Variants in SGIP1 observed in about 807,000 individuals in gnomAD.
SGIP1 encodes the protein SH3GL interacting endocytic adaptor 1.
A neutral mutation model predicts 107.5 loss-of-function variants in SGIP1; 38 were observed. The observed-to-expected ratio is 0.35, with a 90% CI of 0.27 to 0.46. The LOEUF is 0.46. Among genes scored for constraint, SGIP1 ranks in the 20% least tolerant of loss-of-function variants. The pLI is 1.00. For synonymous variants in SGIP1, 365 were observed against 366.1 expected, an observed-to-expected ratio of 1.00 and a Z score of 0.03; for missense variants, 929 against 1,019.5, an observed-to-expected ratio of 0.91 and a Z score of 1.21.
At chr1:66,604,698 T>C (rs6696927) in intron 1 of SGIP1, among the ~76,000 whole-genome samples, 98,972 of 151,990 alleles carry the variant, frequency 0.65, 33,152 homozygotes, top group East Asian at 1. Context: ...ATCACCACTT[T>C]GTAAAAATGT....
intron 1 of SGIP1, among the ~76,000 whole-genome samples, chr1:66,549,714 T>A (rs1363658255): frequency 6.6e-6 from 1 of 152,174 alleles, no homozygotes; most frequent in Non-Finnish European, 1.5e-5. Context: ...AATGTTTTTT[T>A]ACAATACTCT....
At chr1:66,610,696 T>G (rs2067803574) in intron 1 of SGIP1, among the ~76,000 whole-genome samples, 1 of 138,440 alleles carries the variant, frequency 7.2e-6, no homozygotes. Flanking sequence ...AAAAAGGAAT[T>G]CAGTAAGTCA....
At chr1:66,622,956 C>T (rs965884259) in intron 1 of SGIP1, among the ~76,000 whole-genome samples, 2 of 152,142 alleles carry the variant, frequency 1.3e-5, no homozygotes, top group African/African-American at 2.4e-5. Flanking sequence ...TAAAACTTAT[C>T]GGATTATTGA....
chr1:66,649,499 G>A (rs2078305143), intron 7 of SGIP1, among the ~76,000 whole-genome samples: 5 of 152,136 alleles, frequency 3.3e-5, no homozygotes, highest in Non-Finnish European at 7.4e-5. Flanking sequence ...CTTTCTGCTA[G>A]TGCAGTGTAA....
At chr1:66,680,856 A>T (rs1456210561) in intron 14 of SGIP1, among the ~76,000 whole-genome samples, 1 of 152,184 alleles carries the variant, frequency 6.6e-6, no homozygotes, top group East Asian at 1.9e-4. Context: ...ACTTCTGTTC[A>T]TGCCTTCCAG....
At chr1:66,657,623 G>T (rs1213677348) in intron 7 of SGIP1, among the ~76,000 whole-genome samples, 1 of 152,016 alleles carries the variant, frequency 6.6e-6, no homozygotes, top group Non-Finnish European at 1.5e-5. Flanking sequence ...AGAGGATAAG[G>T]GTCTATGAGT....
Position 66,719,411 on chromosome 1 carries a change from C to T in SGIP1, c.1742+6C>T, listed in dbSNP as rs771489546. ...AAAGGAGCAGACCCAAGCAAGTAAG[C>T]CTGATACTTGGTCCATTGTACTTTC... On this transcript the variant is annotated splice_donor_region_variant and intron_variant, in intron 19 of 24. Transcript: ENST00000371037. 1 of 1,599,118 alleles carries T rather than the reference C, an allele frequency of 6.3e-7. No individual in the cohort carries two copies. The highest frequency in any genetic ancestry group is 8.6e-7 in the Non-Finnish European group (1 of 1,167,116).
rs71575496 is a variant in SGIP1 at position 66,660,145 on chromosome 1, GAGAAAGAAAGAAAGAAAGAA to G, written c.460-316_460-297del. On this transcript the variant is annotated intron_variant, in intron 7 of 24. Transcript: ENST00000371037. ...GAAAGAAAGAAAGAAAGAAAGAAGAGAGAAAGAAAGAAAGAAAGAAAGAAAGAAAGAAAGAAAGAAAGAAA... is the reference window on the plus strand; with the variant it reads ...GAAAGAAAGAAAGAAAGAAAGAAGAGAGAAAGAAAGAAAGAAAGAAAGAAA... The G allele has an allele frequency of 7.1e-3, 300 of 42,488 alleles. 8 individuals are homozygous for G. The highest frequency in any genetic ancestry group is 9.1e-3 in the Admixed American group (25 of 2,756). 2.6% of individuals were successfully genotyped at this position (42,488 alleles called of 1,614,324 possible).
At position 66,673,353 on chromosome 1, in the gene SGIP1, A is replaced by G. The variant is rs760381950; in HGVS notation, c.633A>G (p.Glu211=). 2 of 1,601,820 alleles carry G rather than the reference A, an allele frequency of 1.2e-6. No homozygotes were observed. Among genetic ancestry groups the G allele is most frequent in the South Asian group, 1.1e-5 (1 of 87,670 alleles). Residue 211 remains glutamate (E), a synonymous_variant, in exon 12 of 25, where the codon GAA becomes GAG. Coordinates refer to ENST00000371037, the MANE Select transcript of SGIP1 (RefSeq NM_032291.4). ...CACCACTAGAATCAGCTTTTGATGA[A>G]CAGAAGACAGAAGGTAGGAAAAGAA... ...FGPPLESAFD[E]QKTEVLLDQP...
chr1:66,584,816 G>C (rs542333893), intron 1 of SGIP1, among the ~76,000 whole-genome samples: 1 of 152,304 alleles, frequency 6.6e-6, no homozygotes, highest in African/African-American at 2.4e-5. Flanking sequence ...CAGCAAATAT[G>C]ATAGATGAAC....
chr1:66,604,670 A>T (rs2066486319), intron 1 of SGIP1, among the ~76,000 whole-genome samples: 3 of 152,216 alleles, frequency 2.0e-5, no homozygotes, highest in Admixed American at 2.0e-4. Context: ...GATGTAATGA[A>T]TATCCAATTC....
intron 1 of SGIP1, among the ~76,000 whole-genome samples, chr1:66,610,707 T>C (rs2149143806): frequency 1.1e-5 from 1 of 92,966 alleles, no homozygotes; most frequent in South Asian, 8.2e-4. Context: ...CAGTAAGTCA[T>C]AGTATAGATT....
At chr1:66,678,919 T>C (rs1238407610) in intron 13 of SGIP1, among the ~76,000 whole-genome samples, 1 of 152,114 alleles carries the variant, frequency 6.6e-6, no homozygotes, top group Non-Finnish European at 1.5e-5. Context: ...ATCTACCAGA[T>C]AGGACCAGTG....
chr1:66,591,473 A>T (rs909284884), intron 1 of SGIP1, among the ~76,000 whole-genome samples: 1 of 152,178 alleles, frequency 6.6e-6, no homozygotes, highest in Non-Finnish European at 1.5e-5. Context: ...TTAAGTTCAC[A>T]GCAAAATTGA....
chr1:66,687,206 T>G (rs969683761), intron 15 of SGIP1, among the ~76,000 whole-genome samples: 2 of 152,076 alleles, frequency 1.3e-5, no homozygotes, highest in African/African-American at 4.8e-5. Flanking sequence ...AAAGACTACT[T>G]CTTGGAAACA....
chr1:66,610,324 T>A (rs1446328552), intron 1 of SGIP1, among the ~76,000 whole-genome samples: 3 of 152,166 alleles, frequency 2.0e-5, no homozygotes, highest in African/African-American at 7.2e-5. Flanking sequence ...TTATTACACA[T>A]ATATACCTCT....
At chr1:66,651,381 A>T (rs1277230849) in intron 7 of SGIP1, among the ~76,000 whole-genome samples, 1 of 152,216 alleles carries the variant, frequency 6.6e-6, no homozygotes, top group Non-Finnish European at 1.5e-5. Context: ...GAAGCATCAC[A>T]GCTAGTAACT....
Position 66,669,476 on chromosome 1 carries a change from G to A in SGIP1, c.484-1519G>A, listed in dbSNP as rs1473741668. Reference sequence around the variant, plus strand: ...TTGTGATTGACTGCTTGGAACTAAAGCCCCTCTATCTCTTCCTTCAGATCT... The same window carrying A: ...TTGTGATTGACTGCTTGGAACTAAAACCCCTCTATCTCTTCCTTCAGATCT... On this transcript the variant is annotated intron_variant, in intron 9 of 24. Transcript: ENST00000371037. Among the ~76,000 whole-genome samples, 4 of 152,128 alleles carry A rather than the reference G, an allele frequency of 2.6e-5. No homozygotes were observed. The East Asian group carries it at 5.8e-4, about 22-fold the overall frequency.
intron 1 of SGIP1, among the ~76,000 whole-genome samples, chr1:66,560,450 A>G (rs2058760919): frequency 6.6e-6 from 1 of 152,020 alleles, no homozygotes; most frequent in Non-Finnish European, 1.5e-5. Flanking sequence ...GATTTTTGCC[A>G]GCATTGTACA....
Sources: gnomAD v4.1 joint callset for allele counts (sites outside exome capture counted in the v4.1 genomes callset) on GRCh38, gnomAD v4.1.1 for gene constraint, MANE v1.5 for transcripts, NCBI Gene and HGNC (gene_info 2026-07-23, HGNC 2026-07-21) for gene names.